The following PPP5C variants were observed in gnomAD, a reference collection of about 807,000 sequenced individuals.
PPP5C encodes protein phosphatase 5 catalytic subunit.
Under a neutral mutation model 66.7 loss-of-function variants are expected in PPP5C, and 21 were observed. That is an observed-to-expected ratio of 0.31 (90% CI 0.22 to 0.45). The LOEUF is 0.45. Among genes scored for constraint, PPP5C ranks in the 20% least tolerant of loss-of-function variants. PPP5C has a pLI of 1.00. For missense variants in PPP5C, 464 were observed against 675.9 expected (o/e 0.69, Z 3.48); for synonymous variants, 246 against 257.4 (o/e 0.96, Z 0.43).
chr19:46,380,968 C>T (rs946697114), intron 4 of PPP5C, among the ~76,000 whole-genome samples: 17 of 152,134 alleles, frequency 1.1e-4, no homozygotes, highest in Non-Finnish European at 1.2e-4. Context: ...TTCTGCTCTC[C>T]TCTCCGTCTG....
rs1393085022 is a variant in PPP5C, at chr19:46,388,613, G to A, written c.1237G>A (p.Ala413Thr). Residue 413 changes from alanine to threonine, a missense_variant, in exon 11 of 13, where the codon GCC (alanine) becomes ACC (threonine). Physicochemically the swap from Ala to Thr is moderately conservative, Grantham distance 58. Around this residue, in one of 2 missense-constraint regions of PPP5C, gnomAD observed 387 missense variants for 626.0 expected, o/e 0.62. Transcript: ENST00000012443. This position sits in a 1 kb window ranked among gnomAD's most constrained non-coding sequence, Gnocchi z 4.9. ...SCQFGPDVTKAFLEENNLDYI... is the reference protein window; with the variant it reads ...SCQFGPDVTKTFLEENNLDYI... ...TCAGTTTGGGCCTGACGTCACCAAG[G>A]CCTTCTTGGAAGAGAACAACCTGGA... 3.7e-6 allele frequency: 6 copies of A among 1,614,166 alleles called. No individual in the cohort carries two copies. The highest frequency in any genetic ancestry group is 3.3e-4 in the Middle Eastern group (2 of 6,062).
intron 2 of PPP5C, among the ~76,000 whole-genome samples, chr19:46,369,544 A>G (rs1972548027): frequency 1.3e-5 from 2 of 151,258 alleles, no homozygotes; most frequent in Admixed American, 6.6e-5. Context: ...AGGCAGGAGA[A>G]TGGCGTGAAC....
chr19:46,352,761 A>C (rs1044748301), intron 1 of PPP5C, among the ~76,000 whole-genome samples: 1 of 150,312 alleles, frequency 6.7e-6, no homozygotes, highest in Non-Finnish European at 1.5e-5. Context: ...CGGAGCTTGC[A>C]GTGAGCGGAG....
chr19:46,360,706 T>C (rs918085676), intron 2 of PPP5C, among the ~76,000 whole-genome samples: 11 of 152,200 alleles, frequency 7.2e-5, no homozygotes, highest in African/African-American at 2.7e-4. Flanking sequence ...TTTTGCTATG[T>C]TGGCCAAGGT....
chr19:46,374,802 TGAGGGA>T (rs1972663050), intron 2 of PPP5C, among the ~76,000 whole-genome samples: 2 of 152,080 alleles, frequency 1.3e-5, no homozygotes, highest in African/African-American at 4.8e-5. Context: ...GTGGCCCTCT[TGAGGGA>T]GATATATATG....
intron 2 of PPP5C, among the ~76,000 whole-genome samples, chr19:46,358,446 T>A (rs919875369): frequency 1.3e-5 from 2 of 152,182 alleles, no homozygotes; most frequent in African/African-American, 4.8e-5. Flanking sequence ...TAAGAGACAA[T>A]GTCACCCTTG....
At chr19:46,353,001 A>C (rs1972217101) in intron 1 of PPP5C, among the ~76,000 whole-genome samples, 1 of 152,122 alleles carries the variant, frequency 6.6e-6, no homozygotes, top group Admixed American at 6.5e-5. Flanking sequence ...CTGGTACATC[A>C]CGGCCCCCAG....
intron 1 of PPP5C, 94 bp downstream of exon 1, chr19:46,347,311 C>T: frequency 6.8e-7 from 1 of 1,462,996 alleles, no homozygotes; most frequent in South Asian, 1.4e-5. Context: ...GCAGCCTGGG[C>T]GCGGGGCAGA....
chr19:46,382,041 TCTCCG>T (rs1972800426), intron 4 of PPP5C: 1 of 136,768 alleles, frequency 7.3e-6, no homozygotes, highest in African/African-American at 3.2e-5. Flanking sequence ...ACTGGGGTGC[TCTCCG>T]CTCTCCAGTC....
rs536438171 is a variant in PPP5C, at chr19:46,369,248, G to A, written c.364-6356G>A. Among the ~76,000 whole-genome samples the A allele has an allele frequency of 1.2e-4, 18 of 152,320 alleles. No homozygotes were observed. The South Asian group carries it at 3.5e-3, about 30-fold the overall frequency. On this transcript the variant is annotated intron_variant, in intron 2 of 12. Transcript: ENST00000012443. ...CACACCTAGGTTATGTGGCATGGCC[G>A]AGTGCTCCTAGGCTACACGCCTGTA...
rs1382050847 is a variant in PPP5C at position 46,383,920 on chromosome 19, C to A, written c.798+42C>A. ...AGCCACCCTCTCCCCACCTCCACCCCCAGCCGCAGCCTCAGGTCTGCACAG... is the reference window on the plus strand; with the variant it reads ...AGCCACCCTCTCCCCACCTCCACCCACAGCCGCAGCCTCAGGTCTGCACAG... On this transcript the variant is annotated intron_variant, in intron 6 of 12. Transcript: ENST00000012443. The surrounding 1 kb of genome is among the most constrained non-coding windows in gnomAD (Gnocchi z 5.0). The A allele has an allele frequency of 6.7e-7, 1 of 1,484,906 alleles. No homozygotes were observed. Among genetic ancestry groups the A allele is most frequent in the Admixed American group, 1.7e-5 (1 of 59,758 alleles). The allele number at this position is 1,484,906 out of a possible 1,614,324, so 92.0% of individuals were successfully genotyped here. A position where few individuals can be genotyped will look rare whatever the true frequency, so the allele number is the denominator to read the frequency against.
At chr19:46,362,943 A>G (rs1012603768) in intron 2 of PPP5C, among the ~76,000 whole-genome samples, 88 of 148,590 alleles carry the variant, frequency 5.9e-4, no homozygotes, top group African/African-American at 2.1e-3. Flanking sequence ...GCCCGCCACC[A>G]CACCCGGCTA....
In PPP5C at chr19:46,359,590, G is replaced by A. The variant is rs1288191293; in HGVS notation, c.363+5601G>A. The stretch of plus-strand genomic sequence containing the variant: ...AGAATCTAAACACAGATGTGCAACT[G>A]AAGCATCATTTTTCCTTTCCAGTCC... On this transcript the variant is annotated intron_variant, in intron 2 of 12. Transcript: ENST00000012443. Among the ~76,000 whole-genome samples the A allele has an allele frequency of 2.0e-5, 3 of 152,056 alleles. No homozygotes were observed. The East Asian group carries it at 5.8e-4, about 29-fold the overall frequency.
At chr19:46,348,959 G>T (rs1471205312) in intron 1 of PPP5C, among the ~76,000 whole-genome samples, 1 of 152,202 alleles carries the variant, frequency 6.6e-6, no homozygotes, top group African/African-American at 2.4e-5. Context: ...TGATGGGGGT[G>T]ATGCAGCCAG....
intron 2 of PPP5C, among the ~76,000 whole-genome samples, chr19:46,369,530 G>A (rs1220515525): frequency 6.6e-6 from 1 of 151,934 alleles, no homozygotes; most frequent in East Asian, 1.9e-4. Context: ...CACTCTGGGG[G>A]CTGAGGCAGG....
chr19:46,347,091 T>A lies in PPP5C; in HGVS notation c.-6T>A, dbSNP rs1461093566. ...GCCGTTGCCAGGGTAGGGGTCGCTT[T>A]GCGGCATGGCGATGGCGGAGGGCGA... On this transcript the variant is annotated 5_prime_UTR_variant, in exon 1 of 13. Coordinates refer to ENST00000012443, the MANE Select transcript of PPP5C (RefSeq NM_006247.4). 5 of 1,598,894 alleles carry A rather than the reference T, an allele frequency of 3.1e-6. No homozygotes were observed. Among genetic ancestry groups the A allele is most frequent in the Non-Finnish European group, 4.3e-6 (5 of 1,173,406 alleles).
chr19:46,369,619 G>A (rs1972549991), intron 2 of PPP5C, among the ~76,000 whole-genome samples: 5 of 125,304 alleles, frequency 4.0e-5, no homozygotes, highest in Admixed American at 2.7e-4. Context: ...GTGACAGGGC[G>A]AGACTCTGTC....
At chr19:46,385,414 TAGG>T (rs954233816) in intron 7 of PPP5C, among the ~76,000 whole-genome samples, 40 of 152,064 alleles carry the variant, frequency 2.6e-4, no homozygotes, top group African/African-American at 9.7e-4. Flanking sequence ...AAGGCCCAGG[TAGG>T]AGGATCACTT....
intron 1 of PPP5C, among the ~76,000 whole-genome samples, chr19:46,352,616 C>A (rs112926937): frequency 6.6e-6 from 1 of 152,054 alleles, no homozygotes; most frequent in Admixed American, 6.6e-5. Flanking sequence ...GTCAGGAGAT[C>A]GAGACCATCC....
Sources: allele counts gnomAD v4.1 joint callset (sites outside exome capture counted in the v4.1 genomes callset), GRCh38; gene constraint gnomAD v4.1.1; regional missense constraint gnomAD v4.1.1; non-coding constraint Gnocchi (gnomAD v3.1); transcripts MANE v1.5; gene names NCBI Gene and HGNC (gene_info 2026-07-23, HGNC 2026-07-21).